The following GMDS variants were observed in gnomAD, a reference collection of about 807,000 sequenced individuals.
GMDS encodes GDP-mannose 4,6-dehydratase, also known as GDP-mannose 4,6 dehydratase.
In GMDS, 20 loss-of-function variants were observed where a neutral mutation model predicts 49.9. That is an observed-to-expected ratio of 0.40 (90% CI 0.28 to 0.58). The LOEUF is 0.58. Among genes scored for constraint, GMDS ranks in the 20% least tolerant of loss-of-function variants. GMDS has a pLI of 0.42. For missense variants in GMDS, 362 were observed against 481.4 expected, an observed-to-expected ratio of 0.75 and a Z score of 2.32; for synonymous variants, 177 against 178.6, an observed-to-expected ratio of 0.99 and a Z score of 0.07.
rs1009275825 is a variant in GMDS at position 1,836,910 on chromosome 6, A to G, written c.771+93193T>C. ...AGGGATTTAATGATATCCAGCTGCTATTCTTTGGTACTTGCTGATAAGACT... is the reference window on the plus strand; with the variant it reads ...AGGGATTTAATGATATCCAGCTGCTGTTCTTTGGTACTTGCTGATAAGACT... On this transcript the variant is annotated intron_variant, in intron 7 of 10. Transcript: ENST00000380815. The surrounding 1 kb of genome is among the most constrained non-coding windows in gnomAD (Gnocchi z 4.2). Among the ~76,000 whole-genome samples, 19 of 152,252 alleles carry G rather than the reference A, an allele frequency of 1.2e-4. No individual in the cohort carries two copies. Among genetic ancestry groups the G allele is most frequent in the African/African-American group, 4.6e-4 (19 of 41,474 alleles).
intron 7 of GMDS, among the ~76,000 whole-genome samples, chr6:1,912,362 T>C (rs1761111199): frequency 1.3e-5 from 2 of 150,848 alleles, no homozygotes; most frequent in South Asian, 2.1e-4. Context: ...TGAGACTTTG[T>C]CTAAAAAAAA....
At chr6:1,999,453 A>G (rs1244497523) in intron 4 of GMDS, among the ~76,000 whole-genome samples, 1 of 152,026 alleles carries the variant, frequency 6.6e-6, no homozygotes, top group Non-Finnish European at 1.5e-5. Flanking sequence ...AATTTCAGGT[A>G]GAAGATGGCA....
At chr6:1,898,737 C>T (rs1217326986) in intron 7 of GMDS, among the ~76,000 whole-genome samples, 1 of 152,160 alleles carries the variant, frequency 6.6e-6, no homozygotes, top group African/African-American at 2.4e-5. Flanking sequence ...GAACAACTTC[C>T]TGCGGGGAGA....
At chr6:1,907,222 C>T (rs144053178) in intron 7 of GMDS, among the ~76,000 whole-genome samples, 1 of 152,288 alleles carries the variant, frequency 6.6e-6, no homozygotes, top group Non-Finnish European at 1.5e-5. Flanking sequence ...AACTTGAACT[C>T]AACACGCATA....
At chr6:2,091,768 T>C (rs565750909) in intron 4 of GMDS, among the ~76,000 whole-genome samples, 72 of 151,994 alleles carry the variant, frequency 4.7e-4, no homozygotes, top group Middle Eastern at 3.4e-3. Context: ...CCAGGTATAG[T>C]GATGCACAGC....
At chr6:1,825,878 T>C (rs1306875532) in intron 7 of GMDS, among the ~76,000 whole-genome samples, 2 of 152,044 alleles carry the variant, frequency 1.3e-5, no homozygotes, top group Non-Finnish European at 2.9e-5. Flanking sequence ...TAGCCAGGCG[T>C]GGTGGCATGC....
chr6:2,227,070 C>T (rs954859767), intron 1 of GMDS, among the ~76,000 whole-genome samples: 1 of 152,048 alleles, frequency 6.6e-6, no homozygotes, highest in Non-Finnish European at 1.5e-5. Context: ...GGTGGGATTG[C>T]GGGTGTTGTT....
At chr6:1,866,810 G>T (rs1440056223) in intron 7 of GMDS, among the ~76,000 whole-genome samples, 1 of 152,182 alleles carries the variant, frequency 6.6e-6, no homozygotes, top group Non-Finnish European at 1.5e-5. Context: ...CCCCCCCGGG[G>T]TACCCCTAAA....
chr6:2,007,984 T>C (rs1165536993), intron 4 of GMDS, among the ~76,000 whole-genome samples: 1 of 152,342 alleles, frequency 6.6e-6, no homozygotes, highest in East Asian at 1.9e-4. Flanking sequence ...TAAGTGCTTA[T>C]CACCATGTAT....
At chr6:2,097,830 A>C (rs902751320) in intron 4 of GMDS, among the ~76,000 whole-genome samples, 1 of 152,218 alleles carries the variant, frequency 6.6e-6, no homozygotes, top group Non-Finnish European at 1.5e-5. Flanking sequence ...TGGTTAGGAT[A>C]GTGACAAACA....
rs1369090302 is a variant in GMDS at position 1,624,126 on chromosome 6, C to T, written c.*43G>A. 2 of 1,568,876 alleles carry T rather than the reference C, an allele frequency of 1.3e-6. No homozygotes were observed. The highest frequency in any genetic ancestry group is 1.3e-5 in the African/African-American group (1 of 74,268). On this transcript the variant is annotated 3_prime_UTR_variant, in exon 11 of 11. Coordinates refer to ENST00000380815, the MANE Select transcript of GMDS (RefSeq NM_001500.4). ...CAGCGCGTCTGCACCGGAGACTCTGCGGGGATTGTAGCCGGAGGGCGGGCC... is the reference window on the plus strand; with the variant it reads ...CAGCGCGTCTGCACCGGAGACTCTGTGGGGATTGTAGCCGGAGGGCGGGCC...
rs1322485958 is a variant in GMDS at position 1,766,540 on chromosome 6, G to A, written c.772-23954C>T. Among the ~76,000 whole-genome samples the A allele has an allele frequency of 6.6e-6, 1 of 152,154 alleles. No homozygotes were observed. Among genetic ancestry groups the A allele is most frequent in the Non-Finnish European group, 1.5e-5 (1 of 68,044 alleles). On this transcript the variant is annotated intron_variant, in intron 7 of 10. Coordinates refer to ENST00000380815, the MANE Select transcript of GMDS (RefSeq NM_001500.4). This position sits in a 1 kb window ranked among gnomAD's most constrained non-coding sequence, Gnocchi z 4.5. The stretch of plus-strand genomic sequence containing the variant: ...TGAACAAAGTCGCTTACTTTGAAAA[G>A]TGATTTCTCTCTTGTGTATGGCTCG...
chr6:1,910,259 TTAA>T (rs1305047045), intron 7 of GMDS, among the ~76,000 whole-genome samples: 3 of 131,182 alleles, frequency 2.3e-5, no homozygotes, highest in African/African-American at 3.1e-5. Flanking sequence ...CCTGGTATGT[TTAA>T]AAAAAAAAAA....
chr6:2,051,244 T>C (rs968537936), intron 4 of GMDS, among the ~76,000 whole-genome samples: 2 of 152,358 alleles, frequency 1.3e-5, no homozygotes, highest in South Asian at 4.1e-4. Flanking sequence ...CAGTGTCACC[T>C]ATGTTGGCTT....
Position 1,832,509 on chromosome 6 carries a change from A to T in GMDS, c.772-89923T>A, listed in dbSNP as rs140654049. On this transcript the variant is annotated intron_variant, in intron 7 of 10. Coordinates refer to ENST00000380815, the MANE Select transcript of GMDS (RefSeq NM_001500.4). ...TTTATGTGTGTTGGAGAGCATGTAA[A>T]TGCACTGACAGCCAGTCACAGCATG... 7.8e-4 allele frequency among the ~76,000 whole-genome samples: 118 copies of T among 152,160 alleles called. No homozygotes were observed. The East Asian group carries it at 0.018, about 23-fold the overall frequency.
intron 7 of GMDS, among the ~76,000 whole-genome samples, chr6:1,772,481 C>T (rs1768619497): frequency 6.6e-6 from 1 of 152,230 alleles, no homozygotes; most frequent in African/African-American, 2.4e-5. Flanking sequence ...ACTGGAACTG[C>T]ATCCAACAAT....
In GMDS at chr6:1,951,470, A is replaced by AC. The variant is rs142021949; in HGVS notation, c.643+8396dup. On this transcript the variant is annotated intron_variant, in intron 6 of 10. Coordinates refer to ENST00000380815, the MANE Select transcript of GMDS (RefSeq NM_001500.4). ...GGCTCAGTATCTAAACAGTGCTAGT[A>AC]CACCATCCATTTGTGGCAATCTCAC... Among the ~76,000 whole-genome samples, 503 of 152,348 alleles carry AC rather than the reference A, an allele frequency of 3.3e-3. 3 individuals are homozygous for AC. The highest frequency in any genetic ancestry group is 0.012 in the African/African-American group (488 of 41,584).
At chr6:1,970,126 T>C (rs1385731705) in intron 4 of GMDS, among the ~76,000 whole-genome samples, 1 of 152,242 alleles carries the variant, frequency 6.6e-6, no homozygotes, top group Non-Finnish European at 1.5e-5. Flanking sequence ...AAAAGAGATC[T>C]GTCTGCAAAA....
intron 4 of GMDS, among the ~76,000 whole-genome samples, chr6:2,003,065 T>C (rs1054420435): frequency 3.3e-5 from 5 of 152,122 alleles, no homozygotes; most frequent in African/African-American, 1.2e-4. Flanking sequence ...TCTTCTATAA[T>C]AGAGTACCTG....
Sources: gnomAD v4.1 joint callset for allele counts (sites outside exome capture counted in the v4.1 genomes callset) on GRCh38, gnomAD v4.1.1 for gene constraint, Gnocchi (gnomAD v3.1) non-coding constraint, MANE v1.5 for transcripts, NCBI Gene and HGNC (gene_info 2026-07-23, HGNC 2026-07-21) for gene names.